Variants in NXPE1 observed in about 807,000 individuals in gnomAD.
The protein encoded by NXPE1 is neurexophilin and PC-esterase domain family member 1.
NXPE1 carries 31 observed loss-of-function variants against 33.3 expected under a neutral mutation model. The ratio of observed to expected loss-of-function variants is 0.93; its 90% CI spans 0.70 to 1.26. The LOEUF (loss-of-function observed/expected upper bound fraction) is 1.26, where lower values mean the gene tolerates loss of function less well. Among genes scored for constraint, NXPE1 ranks in the 50% most tolerant of loss-of-function variants. The probability of loss-of-function intolerance (pLI) is 0.00; values close to 1 mark genes in which losing one functional copy is unlikely to be tolerated. For synonymous variants in NXPE1, 229 were observed against 231.4 expected, an observed-to-expected ratio of 0.99 and a Z score of 0.09; for missense variants, 661 against 655.6, an observed-to-expected ratio of 1.01 and a Z score of -0.09.
At chr11:114,540,854 T>TGGGC (rs1339490705) in intron 5 of NXPE1, among the ~76,000 whole-genome samples, 1 of 60,008 alleles carries the variant, frequency 1.7e-5, no homozygotes, top group African/African-American at 1.5e-4. Context: ...TTTTTTTTTT[T>TGGGC]TTTTTTTTTT....
chr11:114,522,012 C>T (rs747135411), exon 9 of NXPE1: 6 of 1,613,578 alleles, frequency 3.7e-6, no homozygotes, highest in Non-Finnish European at 5.1e-6. Flanking sequence ...TTTCCAATCA[C>T]ATGATCAGGT....
chr11:114,545,910 C>T (rs940938845), intron 5 of NXPE1, among the ~76,000 whole-genome samples: 11 of 151,944 alleles, frequency 7.2e-5, no homozygotes, highest in East Asian at 1.9e-4. Flanking sequence ...AGGATGGTCT[C>T]GATAGCTTGA....
At chr11:114,528,652 G>A in intron 6 of NXPE1, 1 of 448,480 alleles carries the variant, frequency 2.2e-6, no homozygotes. Context: ...TCCAATTGAT[G>A]AAAGATCACT....
chr11:114,552,762 A>C (rs567339216), intron 2 of NXPE1, 90 bp downstream of exon 2: 196 of 416,382 alleles, frequency 4.7e-4, no homozygotes, highest in African/African-American at 3.6e-3. Flanking sequence ...AAAAAAAAGT[A>C]TGATTGCTAT....
intron 5 of NXPE1, among the ~76,000 whole-genome samples, chr11:114,535,853 G>A (rs1211987056): frequency 2.6e-5 from 4 of 152,092 alleles, no homozygotes; most frequent in African/African-American, 9.7e-5. Flanking sequence ...ACACCCCACT[G>A]TCAACATTAG....
intron 5 of NXPE1, among the ~76,000 whole-genome samples, chr11:114,542,762 G>T (rs1336162910): frequency 6.6e-6 from 1 of 151,890 alleles, no homozygotes; most frequent in East Asian, 1.9e-4. Context: ...GTAAAGAAGG[G>T]TTATATAATG....
At chr11:114,528,483 A>G (rs1267336518) in intron 6 of NXPE1, among the ~76,000 whole-genome samples, 1 of 152,128 alleles carries the variant, frequency 6.6e-6, no homozygotes, top group East Asian at 1.9e-4. Flanking sequence ...ATTACCTTTG[A>G]CTTTTCTGAC....
intron 5 of NXPE1, among the ~76,000 whole-genome samples, chr11:114,533,275 T>C (rs1256208120): frequency 1.3e-5 from 2 of 152,142 alleles, no homozygotes; most frequent in Admixed American, 6.5e-5. Flanking sequence ...CTCAAAAGCA[T>C]TTAAATTATA....
Position 114,537,904 on chromosome 11 carries a change from C to CT in NXPE1, c.100-6997dup, listed in dbSNP as rs555505515. ...GCCATCCCCATCAAGCTACCAATGA[C>CT]TTTCTTCACAGAATTGGAAAAAACT... is the stretch of plus-strand genomic sequence containing the variant. On this transcript the variant is annotated intron_variant, in intron 5 of 8. Transcript: ENST00000534921. Among the ~76,000 whole-genome samples, 3 of 152,184 alleles carry CT rather than the reference C, an allele frequency of 2.0e-5. No homozygotes were observed. In the South Asian group the frequency reaches 6.2e-4, roughly 32 times the overall value.
intron 1 of NXPE1, among the ~76,000 whole-genome samples, chr11:114,559,299 C>T (rs1000161844): frequency 6.6e-5 from 10 of 152,208 alleles, no homozygotes; most frequent in African/African-American, 2.4e-4. Flanking sequence ...CTACAGGAAA[C>T]TTTCCAGCAT....
chr11:114,527,781 G>A, intron 7 of NXPE1, 59 bp downstream of exon 7: 2 of 1,180,314 alleles, frequency 1.7e-6, no homozygotes, highest in Non-Finnish European at 2.4e-6. Context: ...AATTATTTAG[G>A]TTAATGCTGA....
chr11:114,558,212 GTGTATA>G, intron 1 of NXPE1, among the ~76,000 whole-genome samples: 1 of 151,934 alleles, frequency 6.6e-6, no homozygotes. Flanking sequence ...TTATGTGTGT[GTGTATA>G]TATATATCCA....
At chr11:114,522,081 C>T (rs762117458) in exon 9 of NXPE1, 1 of 1,613,828 alleles carries the variant, frequency 6.2e-7, no homozygotes, top group African/African-American at 1.3e-5. Flanking sequence ...ATGATGCCCA[C>T]GTTGAGGTCT....
At chr11:114,547,140 G>A (rs1032081259) in intron 5 of NXPE1, among the ~76,000 whole-genome samples, 1 of 152,076 alleles carries the variant, frequency 6.6e-6, no homozygotes, top group African/African-American at 2.4e-5. Flanking sequence ...GAGCAGGGTG[G>A]GGCAGAAGGA....
intron 2 of NXPE1, among the ~76,000 whole-genome samples, 154 bp downstream of exon 2, chr11:114,552,698 T>C (rs1565317145): frequency 6.6e-6 from 1 of 152,120 alleles, no homozygotes; most frequent in Admixed American, 6.5e-5. Flanking sequence ...TCTCATCTGA[T>C]TCATTTTTCC....
intron 5 of NXPE1, among the ~76,000 whole-genome samples, chr11:114,543,172 A>T (rs148474460): frequency 7.2e-5 from 11 of 152,174 alleles, no homozygotes; most frequent in Non-Finnish European, 1.5e-4. Flanking sequence ...CCTGGCCAAC[A>T]TGGTGAAACT....
At chr11:114,555,795 G>C (rs1010397865) in intron 1 of NXPE1, among the ~76,000 whole-genome samples, 1 of 152,162 alleles carries the variant, frequency 6.6e-6, no homozygotes, top group Non-Finnish European at 1.5e-5. Flanking sequence ...ACTCTTTTGT[G>C]TCTGGCTTCT....
chr11:114,528,862 A>G (rs1012195836), intron 6 of NXPE1: 5 of 655,072 alleles, frequency 7.6e-6, no homozygotes, highest in Admixed American at 6.2e-5. Context: ...GCATGTTTTC[A>G]TCCTTACTAG....
At chr11:114,527,892 C>T in exon 7 of NXPE1, 1 of 1,574,404 alleles carries the variant, frequency 6.4e-7, no homozygotes, top group East Asian at 2.3e-5. Flanking sequence ...TTTCAACTCC[C>T]ACTTTGGACC....
Sources: allele counts gnomAD v4.1 joint callset (sites outside exome capture counted in the v4.1 genomes callset), GRCh38; gene constraint gnomAD v4.1.1; transcripts MANE v1.5; gene names NCBI Gene and HGNC (gene_info 2026-07-23, HGNC 2026-07-21).